RNF122: variants seen among roughly 807,000 people sequenced by gnomAD.
RNF122 encodes the protein ring finger protein 122.
RNF122 carries 17 observed loss-of-function variants against 24.2 expected under a neutral mutation model. That is an observed-to-expected ratio of 0.70 (90% CI 0.48 to 1.06). The LOEUF (loss-of-function observed/expected upper bound fraction) is 1.06, where lower values mean the gene tolerates loss of function less well. Ranked by LOEUF, RNF122 falls within the 50% of genes least tolerant of loss-of-function variation. The pLI, the probability that RNF122 is intolerant of heterozygous loss-of-function variation, is 0.00. For synonymous variants in RNF122, 65 were observed against 71.8 expected (o/e 0.91, Z 0.48); for missense variants, 168 against 198.1 (o/e 0.85, Z 0.91).
intron 2 of RNF122, among the ~76,000 whole-genome samples, chr8:33,553,070 CA>C (rs34104851): frequency 0.029 from 2,990 of 103,444 alleles, 79 homozygotes; most frequent in African/African-American, 0.094. Flanking sequence ...GACCCTGTCT[CA>C]AAAAAAAAAA....
At chr8:33,566,151 C>T (rs1358327078) in intron 1 of RNF122, among the ~76,000 whole-genome samples, 3 of 152,176 alleles carry the variant, frequency 2.0e-5, no homozygotes, top group African/African-American at 7.2e-5. Flanking sequence ...CCGCGCCTGG[C>T]CGAAAGCGAC....
chr8:33,557,519 T>G (rs1357307000), intron 2 of RNF122, among the ~76,000 whole-genome samples: 1 of 151,392 alleles, frequency 6.6e-6, no homozygotes, highest in Non-Finnish European at 1.5e-5. Context: ...TTCCAGCTAT[T>G]AGGGAGGCTG....
At chr8:33,564,545 C>A (rs1300576498) in intron 1 of RNF122, among the ~76,000 whole-genome samples, 1 of 150,756 alleles carries the variant, frequency 6.6e-6, no homozygotes, top group Non-Finnish European at 1.5e-5. Flanking sequence ...TGCACTCCAG[C>A]ATGGTTGTCG....
At chr8:33,565,990 C>T (rs1171980154) in intron 1 of RNF122, among the ~76,000 whole-genome samples, 1 of 152,126 alleles carries the variant, frequency 6.6e-6, no homozygotes, top group Non-Finnish European at 1.5e-5. Flanking sequence ...AGTAGCTGGG[C>T]TTACAGGCAT....
intron 4 of RNF122, 45 bp from the exon 5 acceptor site, chr8:33,549,537 C>T: frequency 7.0e-7 from 1 of 1,436,268 alleles, no homozygotes; most frequent in Non-Finnish European, 9.8e-7. Flanking sequence ...GGGGAACCAT[C>T]TCACTCATTC....
At position 33,558,659 on chromosome 8, in the gene RNF122, G is replaced by C; in HGVS notation, c.138C>G (p.Ile46Met). 1 of 1,612,162 alleles carries C rather than the reference G, an allele frequency of 6.2e-7. No homozygotes were observed. The highest frequency in any genetic ancestry group is 8.5e-7 in the Non-Finnish European group (1 of 1,178,824). Residue 46 changes from isoleucine to methionine, a missense_variant, in exon 2 of 6, where the codon ATC becomes ATG. Transcript: ENST00000256257. ...NIYMVIFGTG[I>M]FVFMLSLIFC... ...AGATAAGGCTGAGCATGAAGACAAA[G>C]ATGCCTGTGCCGAAGATGACCATAT...
At chr8:33,560,268 C>T (rs149777752) in intron 1 of RNF122, among the ~76,000 whole-genome samples, 1 of 152,210 alleles carries the variant, frequency 6.6e-6, no homozygotes, top group African/African-American at 2.4e-5. Context: ...GCCTACTCAT[C>T]ATGATAGTCA....
At chr8:33,557,141 A>T (rs975032216) in intron 2 of RNF122, among the ~76,000 whole-genome samples, 1 of 152,170 alleles carries the variant, frequency 6.6e-6, no homozygotes, top group African/African-American at 2.4e-5. Context: ...GTGGCGGGGG[A>T]GACAGCTAAT....
chr8:33,558,599 C>G lies in RNF122; in HGVS notation c.182+16G>C. ...CCTGCTGGACTCCCACCCCGGTCAG[C>G]CAGGGATCCACGCACCTGATAAAAT... On this transcript the variant is annotated intron_variant, in intron 2 of 5. Coordinates refer to ENST00000256257, the MANE Select transcript of RNF122 (RefSeq NM_024787.3). 2 of 1,586,998 alleles carry G rather than the reference C, an allele frequency of 1.3e-6. No individual in the cohort carries two copies. Among genetic ancestry groups the G allele is most frequent in the Non-Finnish European group, 1.7e-6 (2 of 1,163,276 alleles).
chr8:33,551,133 G>C, intron 3 of RNF122, 48 bp from the exon 4 acceptor site: 1 of 1,601,780 alleles, frequency 6.2e-7, no homozygotes, highest in South Asian at 1.1e-5. Context: ...CCAACCACTG[G>C]GGCCAGCCAG....
Position 33,551,386 on chromosome 8 carries a change from T to C in RNF122, c.186A>G (p.Lys62=), listed in dbSNP as rs1191341937. 3.1e-6 allele frequency: 5 copies of C among 1,614,068 alleles called. No individual in the cohort carries two copies. The highest frequency in any genetic ancestry group is 1.7e-5 in the Admixed American group (1 of 60,006). The change falls in exon 3 of 6, where the codon AAA becomes AAG. Residue 62 remains lysine (K), a synonymous_variant. Coordinates refer to ENST00000256257, the MANE Select transcript of RNF122 (RefSeq NM_024787.3). The part of the protein sequence containing the change: ...SLIFCCYFIS[K]LRNQAQSERY... ...GCTCACTCTGTGCCTGGTTCCGCAG[T>C]TTGCTGGGAGAAAGAGAAAAAAATT...
intron 1 of RNF122, among the ~76,000 whole-genome samples, chr8:33,562,353 T>G (rs1585362408): frequency 6.6e-6 from 1 of 151,070 alleles, no homozygotes; most frequent in East Asian, 2.0e-4. Context: ...CTAGGCAACA[T>G]AGTAAGACCC....
intron 5 of RNF122, 31 bp from the exon 6 acceptor site, chr8:33,548,898 A>G: frequency 2.8e-6 from 4 of 1,410,610 alleles, no homozygotes; most frequent in Non-Finnish European, 4.0e-6. Context: ...GTAATCTCTA[A>G]CCAGACAGAC....
At chr8:33,557,047 CTTAAT>C (rs560020779) in intron 2 of RNF122, among the ~76,000 whole-genome samples, 525 of 152,332 alleles carry the variant, frequency 3.4e-3, no homozygotes, top group Non-Finnish European at 5.8e-3. Context: ...TTTCCTTAAT[CTTAAT>C]TTAATCTTCT....
intron 4 of RNF122, among the ~76,000 whole-genome samples, chr8:33,550,500 T>C (rs187729182): frequency 6.6e-6 from 1 of 151,768 alleles, no homozygotes; most frequent in East Asian, 1.9e-4. Context: ...CTTAGAGGCA[T>C]AGGTAGGAAA....
At position 33,547,987 on chromosome 8, in the gene RNF122, A is replaced by AG. The variant is rs1328553890; in HGVS notation, c.*765_*766insC. On this transcript the variant is annotated 3_prime_UTR_variant, in exon 6 of 6. Coordinates refer to ENST00000256257, the MANE Select transcript of RNF122 (RefSeq NM_024787.3). ...CCCCACACCCCTTTTGATCAAAAAA[A>AG]AAAAAAAAAAAAAAAAAAAGGCCCC... The AG allele has an allele frequency of 1.4e-5, 2 of 144,188 alleles. No individual in the cohort carries two copies. Among genetic ancestry groups the AG allele is most frequent in the Non-Finnish European group, 3.1e-5 (2 of 64,262 alleles). The allele number at this position is 144,188 out of a possible 1,614,324, so 8.9% of individuals were successfully genotyped here. A position where few individuals can be genotyped will look rare whatever the true frequency, so the allele number is the denominator to read the frequency against.
intron 2 of RNF122, among the ~76,000 whole-genome samples, chr8:33,556,090 G>T (rs1233043798): frequency 6.6e-6 from 1 of 151,014 alleles, no homozygotes; most frequent in Non-Finnish European, 1.5e-5. Context: ...TGAGTTGGGA[G>T]GATGGCTTGG....
At chr8:33,563,132 G>C (rs902431778) in intron 1 of RNF122, among the ~76,000 whole-genome samples, 3 of 133,140 alleles carry the variant, frequency 2.3e-5, no homozygotes, top group Admixed American at 7.3e-5. Context: ...AAAAAAAAAA[G>C]CCTGAACCCT....
chr8:33,554,060 CAT>C (rs754151202), intron 2 of RNF122, among the ~76,000 whole-genome samples: 27 of 152,214 alleles, frequency 1.8e-4, no homozygotes, highest in African/African-American at 2.4e-4. Context: ...TGTACATACA[CAT>C]GTGTCTCTGT....
Sources: gnomAD v4.1 joint callset for allele counts (sites outside exome capture counted in the v4.1 genomes callset) on GRCh38, gnomAD v4.1.1 for gene constraint, MANE v1.5 for transcripts, NCBI Gene and HGNC (gene_info 2026-07-23, HGNC 2026-07-21) for gene names.